Variants in PRKG1 observed in about 807,000 individuals in gnomAD.
PRKG1 encodes the protein cGMP-dependent protein kinase 1.
In PRKG1, 35 loss-of-function variants were observed where a neutral mutation model predicts 88.1. The ratio of observed to expected loss-of-function variants is 0.40; its 90% confidence interval spans 0.30 to 0.53. The LOEUF (loss-of-function observed/expected upper bound fraction) is 0.53, where lower values mean the gene tolerates loss of function less well. Ranked by LOEUF, PRKG1 falls within the 20% of genes least tolerant of loss-of-function variation. The pLI, the probability that PRKG1 is intolerant of heterozygous loss-of-function variation, is 0.59. For missense variants in PRKG1, 540 were observed against 839.8 expected, an observed-to-expected ratio of 0.64 and a Z score of 4.41; for synonymous variants, 303 against 292.5, an observed-to-expected ratio of 1.04 and a Z score of -0.37.
chr10:51,566,347 C>T (rs146124286), intron 3 of PRKG1, among the ~76,000 whole-genome samples: 3 of 152,134 alleles, frequency 2.0e-5, no homozygotes, highest in Middle Eastern at 3.4e-3. Flanking sequence ...ACTTCCTAAG[C>T]CCTAAACCAA....
At chr10:51,893,891 T>G (rs1841780511) in intron 4 of PRKG1, among the ~76,000 whole-genome samples, 1 of 152,100 alleles carries the variant, frequency 6.6e-6, no homozygotes, top group Non-Finnish European at 1.5e-5. Context: ...CCTGTTACTA[T>G]TTACTACAAA....
intron 2 of PRKG1, among the ~76,000 whole-genome samples, chr10:51,202,113 A>G (rs1277540472): frequency 6.6e-6 from 1 of 152,118 alleles, no homozygotes; most frequent in Non-Finnish European, 1.5e-5. Flanking sequence ...CCTGCCTCCC[A>G]GCTGTTGTGG....
At chr10:51,062,970 A>C (rs191093669) in intron 1 of PRKG1, 5 of 152,290 alleles carry the variant, frequency 3.3e-5, no homozygotes, top group African/African-American at 9.6e-5. Context: ...AAATACAAAT[A>C]AGCTATTAAT....
At chr10:51,255,681 G>C (rs917387422) in intron 2 of PRKG1, among the ~76,000 whole-genome samples, 9 of 152,100 alleles carry the variant, frequency 5.9e-5, no homozygotes, top group African/African-American at 1.7e-4. Context: ...TCGGGAGGAA[G>C]TAACTTCCCA....
intron 4 of PRKG1, among the ~76,000 whole-genome samples, chr10:51,829,575 G>T (rs1321126004): frequency 6.6e-6 from 1 of 152,170 alleles, no homozygotes; most frequent in Non-Finnish European, 1.5e-5. Flanking sequence ...TGATGCTGTG[G>T]TCATGTAAGA....
At chr10:51,662,296 C>T (rs1002473601) in intron 3 of PRKG1, among the ~76,000 whole-genome samples, 1 of 151,980 alleles carries the variant, frequency 6.6e-6, no homozygotes, top group Non-Finnish European at 1.5e-5. Flanking sequence ...TGGATAAGGG[C>T]ATAAAAAGAC....
rs1432010381 is a variant in PRKG1, at chr10:52,057,268, TAA to T, written c.840+2710_840+2711del. 2.0e-5 allele frequency among the ~76,000 whole-genome samples: 3 copies of T among 152,220 alleles called. No homozygotes were observed. The East Asian group carries it at 5.8e-4, about 29-fold the overall frequency. ...CATTCACACAAAGAGAGAAGCATTA[TAA>T]AATAAGCTTTGCCGTACTTGTTTTT... On this transcript the variant is annotated intron_variant, in intron 6 of 17. Coordinates refer to ENST00000373980, the MANE Select transcript of PRKG1 (RefSeq NM_006258.4).
At chr10:51,210,137 A>G (rs1428437311) in intron 2 of PRKG1, among the ~76,000 whole-genome samples, 1 of 152,198 alleles carries the variant, frequency 6.6e-6, no homozygotes, top group East Asian at 1.9e-4. Context: ...AGTGCAATCA[A>G]ACTAGAACTC....
chr10:51,116,145 G>T (rs1393375419), intron 1 of PRKG1, among the ~76,000 whole-genome samples: 2 of 152,096 alleles, frequency 1.3e-5, no homozygotes, highest in African/African-American at 4.8e-5. Flanking sequence ...ATTTACTTGA[G>T]GCTCAAATTA....
intron 5 of PRKG1, among the ~76,000 whole-genome samples, chr10:52,027,377 T>C (rs1407405902): frequency 6.6e-6 from 1 of 152,174 alleles, no homozygotes; most frequent in African/African-American, 2.4e-5. Flanking sequence ...GCACGGATCT[T>C]ATATTGCAAA....
At chr10:52,119,818 C>G (rs1188420852) in intron 7 of PRKG1, among the ~76,000 whole-genome samples, 2 of 152,074 alleles carry the variant, frequency 1.3e-5, no homozygotes, top group East Asian at 3.9e-4. Flanking sequence ...AAGGTTGTGG[C>G]CCCATATCTT....
intron 5 of PRKG1, among the ~76,000 whole-genome samples, chr10:51,970,764 T>G (rs1843693658): frequency 6.9e-6 from 1 of 144,538 alleles, no homozygotes; most frequent in Admixed American, 6.9e-5. Context: ...ATATATCAGA[T>G]TATATATATA....
chr10:51,124,923 A>G (rs965780046), intron 1 of PRKG1, among the ~76,000 whole-genome samples: 4 of 152,182 alleles, frequency 2.6e-5, no homozygotes, highest in Admixed American at 2.6e-4. Context: ...CTTTGAGTTG[A>G]CATATGACCT....
chr10:51,389,274 A>G (rs113461076), intron 2 of PRKG1, among the ~76,000 whole-genome samples: 115 of 152,340 alleles, frequency 7.5e-4, no homozygotes, highest in African/African-American at 2.6e-3. Context: ...AATCTTATGC[A>G]AAGACATTAC....
chr10:51,602,703 C>G (rs1319660109), intron 3 of PRKG1, among the ~76,000 whole-genome samples: 2 of 149,626 alleles, frequency 1.3e-5, no homozygotes, highest in Non-Finnish European at 3.0e-5. Flanking sequence ...ACATGAGCCA[C>G]TGCGCCTGGC....
At chr10:51,167,363 T>C (rs775347054) in intron 2 of PRKG1, among the ~76,000 whole-genome samples, 17 of 152,030 alleles carry the variant, frequency 1.1e-4, no homozygotes, top group Non-Finnish European at 1.8e-4. Flanking sequence ...TTTGACACAT[T>C]AAAAGAGACA....
chr10:51,052,029 T>C (rs1843568514), intron 1 of PRKG1, among the ~76,000 whole-genome samples: 1 of 152,184 alleles, frequency 6.6e-6, no homozygotes. Flanking sequence ...CTTATTGAAT[T>C]ATGCTTATTT....
intron 4 of PRKG1, among the ~76,000 whole-genome samples, chr10:51,826,213 T>C (rs1305033370): frequency 6.6e-6 from 1 of 152,094 alleles, no homozygotes; most frequent in Non-Finnish European, 1.5e-5. Flanking sequence ...CAATTTAGGC[T>C]GAATATGAGG....
chr10:51,601,597 A>C (rs1838601474), intron 3 of PRKG1, among the ~76,000 whole-genome samples: 1 of 152,078 alleles, frequency 6.6e-6, no homozygotes, highest in Admixed American at 6.6e-5. Flanking sequence ...TCTCATTTGA[A>C]AAAAGCCAAA....
Sources: gnomAD v4.1 joint callset for allele counts (sites outside exome capture counted in the v4.1 genomes callset) on GRCh38, gnomAD v4.1.1 for gene constraint, MANE v1.5 for transcripts, NCBI Gene and HGNC (gene_info 2026-07-23, HGNC 2026-07-21) for gene names.